Variants in SMARCC1 observed in about 807,000 individuals in gnomAD.
SMARCC1 encodes SWI/SNF related BAF chromatin remodeling complex subunit C1.
A neutral mutation model predicts 147.4 loss-of-function variants in SMARCC1; 43 were observed. The ratio of observed to expected loss-of-function variants is 0.29; its 90% CI spans 0.23 to 0.38. SMARCC1 has a LOEUF of 0.38. Among genes scored for constraint, SMARCC1 ranks in the 10% least tolerant of loss-of-function variants. The probability of loss-of-function intolerance (pLI) is 1.00; values close to 1 mark genes in which losing one functional copy is unlikely to be tolerated. For missense variants in SMARCC1, 1,119 were observed against 1,381.1 expected, an observed-to-expected ratio of 0.81 and a Z score of 3.01; for synonymous variants, 495 against 484.4, an observed-to-expected ratio of 1.02 and a Z score of -0.29.
At chr3:47,643,268 T>C (rs1576396964) in intron 21 of SMARCC1, among the ~76,000 whole-genome samples, 1 of 152,280 alleles carries the variant, frequency 6.6e-6, no homozygotes, top group Non-Finnish European at 1.5e-5. Flanking sequence ...TGTCGGCTGG[T>C]CGACCAATCA....
chr3:47,763,437 A>T (rs1347984468), intron 2 of SMARCC1, among the ~76,000 whole-genome samples: 1 of 151,888 alleles, frequency 6.6e-6, no homozygotes, highest in Non-Finnish European at 1.5e-5. Context: ...AAAACATAAT[A>T]ATTTTTTCAG....
At chr3:47,682,316 A>G (rs1332051618) in intron 14 of SMARCC1, among the ~76,000 whole-genome samples, 1 of 150,888 alleles carries the variant, frequency 6.6e-6, no homozygotes, top group Non-Finnish European at 1.5e-5. Context: ...AAAAACAAAC[A>G]ACAACTGGAG....
intron 2 of SMARCC1, among the ~76,000 whole-genome samples, chr3:47,754,781 G>A (rs896422460): frequency 1.3e-5 from 2 of 152,128 alleles, no homozygotes; most frequent in African/African-American, 4.8e-5. Flanking sequence ...AGTGCCCCAC[G>A]CCTGTAATGC....
chr3:47,653,421 T>C (rs2033219933), intron 21 of SMARCC1, among the ~76,000 whole-genome samples: 1 of 152,246 alleles, frequency 6.6e-6, no homozygotes, highest in Non-Finnish European at 1.5e-5. Context: ...TACCTATGTG[T>C]ACACATTTGT....
chr3:47,624,498 T>A (rs1183287908), intron 24 of SMARCC1, among the ~76,000 whole-genome samples: 1 of 152,138 alleles, frequency 6.6e-6, no homozygotes, highest in African/African-American at 2.4e-5. Flanking sequence ...TTGAAAACAA[T>A]GGCAAAATGC....
At chr3:47,683,311 G>T (rs2106765403) in intron 14 of SMARCC1, among the ~76,000 whole-genome samples, 1 of 152,030 alleles carries the variant, frequency 6.6e-6, no homozygotes, top group Admixed American at 6.5e-5. Context: ...CTCCAAAAGT[G>T]CTGGGATTGC....
At chr3:47,671,196 A>AAAAAAAAAACAAC (rs753672169) in intron 18 of SMARCC1, among the ~76,000 whole-genome samples, 5 of 81,144 alleles carry the variant, frequency 6.2e-5, no homozygotes, top group East Asian at 4.8e-4. Context: ...AAAAAAAAAA[A>AAAAAAAAAACAAC]AACACACACA....
intron 19 of SMARCC1, among the ~76,000 whole-genome samples, chr3:47,666,588 TA>T (rs11306091): frequency 0.9 from 126,796 of 140,350 alleles, 58,091 homozygotes; most frequent in South Asian, 0.99. Flanking sequence ...TTTTCCTAAT[TA>T]AAAAAAAAAA....
At chr3:47,653,004 C>T (rs1457263959) in intron 21 of SMARCC1, among the ~76,000 whole-genome samples, 6 of 142,912 alleles carry the variant, frequency 4.2e-5, no homozygotes, top group Admixed American at 2.2e-4. Context: ...GGCCGGACTG[C>T]GGACTGCAGT....
At chr3:47,660,370 A>G (rs556232298) in intron 21 of SMARCC1, among the ~76,000 whole-genome samples, 1 of 148,836 alleles carries the variant, frequency 6.7e-6, no homozygotes, top group African/African-American at 2.5e-5. Flanking sequence ...GGCGTGAACC[A>G]GGGAGGCAGA....
intron 8 of SMARCC1, among the ~76,000 whole-genome samples, 178 bp downstream of exon 8, chr3:47,714,237 G>A (rs947055940): frequency 6.6e-6 from 1 of 152,108 alleles, no homozygotes; most frequent in African/African-American, 2.4e-5. Context: ...GGTGGCGTGT[G>A]CCTATAGTCC....
chr3:47,702,417 G>A (rs952121908), intron 10 of SMARCC1, among the ~76,000 whole-genome samples: 2 of 152,108 alleles, frequency 1.3e-5, no homozygotes, highest in African/African-American at 4.8e-5. Flanking sequence ...TGTAAGGACT[G>A]AAGGTCAGAG....
At position 47,749,736 on chromosome 3, in the gene SMARCC1, C is replaced by CAGAGAGAGAGAGAGAG; in HGVS notation, c.316-3759_316-3744dup. Among the ~76,000 whole-genome samples the CAGAGAGAGAGAGAGAG allele has an allele frequency of 2.7e-5, 3 of 110,864 alleles. 1 individual carries two copies. The South Asian group carries it at 1.0e-3, about 39-fold the overall frequency. 72.7% of individuals were successfully genotyped at this position (110,864 alleles called of 152,430 possible). On this transcript the variant is annotated intron_variant, in intron 2 of 27. Transcript: ENST00000254480. Reference sequence around the variant, plus strand: ...AAACACACACACACAGAGAAAGAGACAGAGAGAGAGAGAGAGAGAGAGAGA... The same window carrying CAGAGAGAGAGAGAGAG: ...AAACACACACACACAGAGAAAGAGACAGAGAGAGAGAGAGAGAGAGAGAGAGAGAGAGAGAGAGAGA...
chr3:47,631,219 T>C (rs2032885818), intron 24 of SMARCC1, among the ~76,000 whole-genome samples: 1 of 152,216 alleles, frequency 6.6e-6, no homozygotes, highest in African/African-American at 2.4e-5. Context: ...GAGACATTTC[T>C]AGGGGGTAAG....
intron 23 of SMARCC1, among the ~76,000 whole-genome samples, chr3:47,635,595 T>C (rs1310620380): frequency 2.0e-5 from 3 of 152,202 alleles, no homozygotes; most frequent in African/African-American, 4.8e-5. Context: ...CTTGGATATA[T>C]ATATTTAAAG....
At chr3:47,676,548 T>A in intron 17 of SMARCC1, 81 bp downstream of exon 17, 1 of 987,008 alleles carries the variant, frequency 1.0e-6, no homozygotes. Context: ...TATAGTATAA[T>A]AATAATTGTT....
At chr3:47,754,803 G>T (rs1482428837) in intron 2 of SMARCC1, among the ~76,000 whole-genome samples, 2 of 152,162 alleles carry the variant, frequency 1.3e-5, no homozygotes, top group Non-Finnish European at 2.9e-5. Context: ...AGAACTTTGG[G>T]AGGCCAAAAC....
Position 47,588,242 on chromosome 3 carries a change from A to G in SMARCC1, c.3285T>C (p.Pro1095=). 1 of 1,613,864 alleles carries G rather than the reference A, an allele frequency of 6.2e-7. No individual in the cohort carries two copies. The highest frequency in any genetic ancestry group is 8.5e-7 in the Non-Finnish European group (1 of 1,179,892). Reference sequence around the variant, plus strand: ...CAGCTGAGGCTGGCGGGCCAGGAGCAGGAGGCGGAGGGACCCCATCTGCAG... The same window carrying G: ...CAGCTGAGGCTGGCGGGCCAGGAGCGGGAGGCGGAGGGACCCCATCTGCAG... ...PPPADGVPPP[P]APGPPASAAP The change falls in exon 28 of 28, where the codon CCT becomes CCC. Residue 1095 remains proline, a synonymous_variant. Transcript: ENST00000254480.
intron 26 of SMARCC1, among the ~76,000 whole-genome samples, chr3:47,601,085 G>T (rs910272195): frequency 1.7e-4 from 25 of 143,994 alleles, no homozygotes; most frequent in African/African-American, 5.6e-4. Flanking sequence ...AGCTTAGAAT[G>T]GTGGGAGTCT....
Sources: gnomAD v4.1 joint callset for allele counts (sites outside exome capture counted in the v4.1 genomes callset) on GRCh38, gnomAD v4.1.1 for gene constraint, MANE v1.5 for transcripts, NCBI Gene and HGNC (gene_info 2026-07-23, HGNC 2026-07-21) for gene names.